CELF2: variants seen among roughly 807,000 people sequenced by gnomAD.
The protein encoded by CELF2 is CUGBP Elav-like family member 2, also known as CUG triplet repeat RNA-binding protein 2.
CELF2 carries 8 observed loss-of-function variants against 62.6 expected under a neutral mutation model. That is an observed-to-expected ratio of 0.13 (90% confidence interval 0.07 to 0.23). The LOEUF is 0.23. Ranked by LOEUF, CELF2 falls within the 10% of genes least tolerant of loss-of-function variation. The pLI is 1.00. For missense variants in CELF2, 333 were observed against 671.0 expected (o/e 0.50, Z 5.56); for synonymous variants, 258 against 250.0 (o/e 1.03, Z -0.30).
chr10:11,211,803 AGAGAGAGAGAGTGTGT>A lies in CELF2; in HGVS notation c.272-5620_272-5605del, dbSNP rs2061869765. 8.5e-6 allele frequency among the ~76,000 whole-genome samples: 1 copy of A among 117,988 alleles called. No homozygotes were observed. Among genetic ancestry groups the A allele is most frequent in the Non-Finnish European group, 1.7e-5 (1 of 57,912 alleles). 77.4% of individuals were successfully genotyped at this position (117,988 alleles called of 152,430 possible). The stretch of plus-strand genomic sequence containing the variant: ...GTGTGTATGTGTGTGAGAGAGAGAG[AGAGAGAGAGAGTGTGT>A]GTGTGTGTGTGTGTGTGTGTGTGTG... On this transcript the variant is annotated intron_variant, in intron 2 of 12. Coordinates refer to ENST00000633077, the MANE Select transcript of CELF2 (RefSeq NM_001326342.2). The surrounding 1 kb of genome is among the most constrained non-coding windows in gnomAD (Gnocchi z 4.8).
the CELF2 span, among the ~76,000 whole-genome samples, chr10:10,496,241 G>C: frequency 6.6e-6 from 1 of 152,294 alleles, no homozygotes; most frequent in Non-Finnish European, 1.5e-5. Flanking sequence ...TCTATGACAA[G>C]TTACTTCATT....
At chr10:11,141,718 G>C (rs547960128) in intron 1 of CELF2, among the ~76,000 whole-genome samples, 1 of 152,300 alleles carries the variant, frequency 6.6e-6, no homozygotes, top group South Asian at 2.1e-4. Context: ...ATGGTGATGT[G>C]CCTTGATAGA....
intron 4 of CELF2, among the ~76,000 whole-genome samples, chr10:11,249,430 A>G (rs1483690767): frequency 2.6e-5 from 4 of 152,156 alleles, no homozygotes; most frequent in Non-Finnish European, 5.9e-5. Flanking sequence ...GGCTGTTACA[A>G]GCAGTGGCTT....
chr10:10,617,723 G>A, the CELF2 span, among the ~76,000 whole-genome samples: 22 of 152,100 alleles, frequency 1.4e-4, no homozygotes, highest in African/African-American at 4.3e-4. Context: ...GGGGGAAATA[G>A]GTCCAAAAGG....
At chr10:11,180,384 C>G (rs962298614) in intron 2 of CELF2, among the ~76,000 whole-genome samples, 1 of 152,196 alleles carries the variant, frequency 6.6e-6, no homozygotes, top group African/African-American at 2.4e-5. Flanking sequence ...GGTTGACTTC[C>G]CCACGCCTCT....
At chr10:10,664,661 G>T in the CELF2 span, among the ~76,000 whole-genome samples, 1 of 152,154 alleles carries the variant, frequency 6.6e-6, no homozygotes. Flanking sequence ...AAATCAAGCT[G>T]GGTAGAAAAC....
the CELF2 span, among the ~76,000 whole-genome samples, chr10:10,735,187 G>T: frequency 6.6e-6 from 1 of 152,092 alleles, no homozygotes; most frequent in Non-Finnish European, 1.5e-5. Flanking sequence ...GTAACATCAG[G>T]ATCCGAATGA....
Position 11,270,566 on chromosome 10 carries a change from C to A in CELF2, c.619-100C>A. 1 of 1,054,470 alleles carries A rather than the reference C, an allele frequency of 9.5e-7. No individual in the cohort carries two copies. 65.3% of individuals were successfully genotyped at this position (1,054,470 alleles called of 1,614,324 possible). A position where few individuals can be genotyped will look rare whatever the true frequency, so the allele number is the denominator to read the frequency against. ...AAACCATTTCAGCCCATTCCATGTG[C>A]TCCAGGCTAGTGCAGAAAGGTAGCT... On this transcript the variant is annotated intron_variant, in intron 6 of 12. Coordinates refer to ENST00000633077, the MANE Select transcript of CELF2 (RefSeq NM_001326342.2). This position sits in a 1 kb window ranked among gnomAD's most constrained non-coding sequence, Gnocchi z 5.8.
the CELF2 span, among the ~76,000 whole-genome samples, chr10:10,505,345 A>G: frequency 6.6e-6 from 1 of 152,094 alleles, no homozygotes; most frequent in African/African-American, 2.4e-5. Flanking sequence ...TGCTTTCTGC[A>G]TCCTCAGGTA....
At chr10:10,505,298 TG>T in the CELF2 span, among the ~76,000 whole-genome samples, 1,199 of 152,114 alleles carry the variant, frequency 7.9e-3, 8 homozygotes, top group African/African-American at 0.017. Context: ...ACACATAAGT[TG>T]GGGGAGGGCT....
At chr10:11,251,806 C>A (rs893751694) in intron 4 of CELF2, among the ~76,000 whole-genome samples, 2 of 152,206 alleles carry the variant, frequency 1.3e-5, no homozygotes, top group Non-Finnish European at 2.9e-5. Context: ...CGGCACGTAG[C>A]AAGTATCCAG....
chr10:10,536,650 G>A, the CELF2 span, among the ~76,000 whole-genome samples: 2 of 152,224 alleles, frequency 1.3e-5, no homozygotes, highest in African/African-American at 4.8e-5. Context: ...ACAGGTAACA[G>A]ATGTCACCAT....
chr10:10,826,181 ACAAT>A (rs748872224), intron 1 of CELF2, among the ~76,000 whole-genome samples: 1 of 152,152 alleles, frequency 6.6e-6, no homozygotes, highest in Non-Finnish European at 1.5e-5. Flanking sequence ...CAAAAAAAAA[ACAAT>A]CCTTAGTTTT....
At chr10:10,465,946 C>G in the CELF2 span, among the ~76,000 whole-genome samples, 6 of 152,206 alleles carry the variant, frequency 3.9e-5, no homozygotes, top group South Asian at 1.2e-3. Flanking sequence ...GCCCCCAAGA[C>G]TGTAGAGGAA....
intron 1 of CELF2, among the ~76,000 whole-genome samples, chr10:10,878,804 C>T (rs1186103591): frequency 1.3e-5 from 2 of 152,136 alleles, no homozygotes; most frequent in Admixed American, 6.5e-5. Flanking sequence ...GGAAAGCAAC[C>T]GTCCTCATGA....
intron 2 of CELF2, among the ~76,000 whole-genome samples, chr10:10,920,631 G>T (rs1459068748): frequency 1.3e-5 from 2 of 151,944 alleles, no homozygotes; most frequent in Non-Finnish European, 2.9e-5. Context: ...TTAACAGAAT[G>T]CAAGCTCTAA....
the CELF2 span, among the ~76,000 whole-genome samples, chr10:10,683,589 C>A: frequency 6.6e-6 from 1 of 152,064 alleles, no homozygotes; most frequent in Admixed American, 6.6e-5. Flanking sequence ...ATGTAGTGAA[C>A]TGAATAAAAT....
rs996862445 is a variant in CELF2 at position 11,089,321 on chromosome 10, G to A, written c.74+71158G>A. Among the ~76,000 whole-genome samples the A allele has an allele frequency of 3.3e-5, 5 of 152,204 alleles. No homozygotes were observed. In the East Asian group the frequency reaches 9.6e-4, roughly 29 times the overall value. ...TCAGTTAACACTTGCTGAGTTTGAG[G>A]TGCGCATAGGATTTTGAAGGTGAAA... On this transcript the variant is annotated intron_variant, in intron 1 of 12. Coordinates refer to ENST00000633077, the MANE Select transcript of CELF2 (RefSeq NM_001326342.2).
chr10:11,031,797 T>C (rs929377170), intron 1 of CELF2, among the ~76,000 whole-genome samples: 3 of 152,204 alleles, frequency 2.0e-5, no homozygotes, highest in Admixed American at 6.5e-5. Flanking sequence ...GAAATCAGAC[T>C]GTAAGGCCCA....
Sources: allele counts gnomAD v4.1 joint callset (sites outside exome capture counted in the v4.1 genomes callset), GRCh38; gene constraint gnomAD v4.1.1; non-coding constraint Gnocchi (gnomAD v3.1); transcripts MANE v1.5; gene names NCBI Gene and HGNC (gene_info 2026-07-23, HGNC 2026-07-21).